Variants in PRR16 observed in about 807,000 individuals in gnomAD.
The protein encoded by PRR16 is proline rich 16, also known as protein Largen.
Under a neutral mutation model 18.2 loss-of-function variants are expected in PRR16, and 6 were observed. The ratio of observed to expected loss-of-function variants is 0.33; its 90% CI spans 0.18 to 0.65. PRR16 has a LOEUF of 0.65. Ranked by LOEUF, PRR16 falls within the 30% of genes least tolerant of loss-of-function variation. The probability of loss-of-function intolerance (pLI) is 0.74; values close to 1 mark genes in which losing one functional copy is unlikely to be tolerated. For missense variants in PRR16, 412 were observed against 376.6 expected, an observed-to-expected ratio of 1.09 and a Z score of -0.78; for synonymous variants, 151 against 147.8, an observed-to-expected ratio of 1.02 and a Z score of -0.16.
At chr5:120,485,637 T>C (rs1425985293) in intron 1 of PRR16, among the ~76,000 whole-genome samples, 1 of 152,070 alleles carries the variant, frequency 6.6e-6, no homozygotes, top group Non-Finnish European at 1.5e-5. Context: ...AAATTATGCC[T>C]AGATTTAGTT....
chr5:120,768,876 T>C, the PRR16 span, among the ~76,000 whole-genome samples: 5 of 151,766 alleles, frequency 3.3e-5, no homozygotes, highest in Admixed American at 2.6e-4. Context: ...CTTTTATGTA[T>C]TGCTGTGAAG....
chr5:120,591,048 G>C (rs1753618522), intron 1 of PRR16, among the ~76,000 whole-genome samples: 1 of 151,976 alleles, frequency 6.6e-6, no homozygotes, highest in African/African-American at 2.4e-5. Context: ...GGGAGGCCGA[G>C]GTGGGCAGAT....
chr5:120,501,805 A>C (rs1172488550), intron 1 of PRR16, among the ~76,000 whole-genome samples: 1 of 151,832 alleles, frequency 6.6e-6, no homozygotes, highest in Non-Finnish European at 1.5e-5. Context: ...AAATACAAAA[A>C]ATTAGCCGGG....
At chr5:120,750,239 A>G in the PRR16 span, among the ~76,000 whole-genome samples, 9 of 152,178 alleles carry the variant, frequency 5.9e-5, no homozygotes, top group Non-Finnish European at 7.3e-5. Context: ...AATTAATATA[A>G]GAGCCTAATA....
intron 1 of PRR16, among the ~76,000 whole-genome samples, chr5:120,533,203 T>C (rs7708527): frequency 0.99 from 150,075 of 152,290 alleles, 73,973 homozygotes; most frequent in East Asian, 1. Flanking sequence ...CCACTGAATA[T>C]ATCTTCAAGG....
At chr5:120,643,160 G>A (rs781608511) in intron 1 of PRR16, among the ~76,000 whole-genome samples, 3 of 150,082 alleles carry the variant, frequency 2.0e-5, no homozygotes, top group Non-Finnish European at 4.4e-5. Flanking sequence ...TAAAATGTTT[G>A]AAACAAAGAA....
At chr5:120,656,431 A>G (rs1580840793) in intron 1 of PRR16, among the ~76,000 whole-genome samples, 1 of 151,144 alleles carries the variant, frequency 6.6e-6, no homozygotes, top group African/African-American at 2.4e-5. Flanking sequence ...AGCTCCAAAG[A>G]AAATAGAAAG....
the PRR16 span, among the ~76,000 whole-genome samples, chr5:120,742,887 T>C: frequency 6.6e-6 from 1 of 152,128 alleles, no homozygotes; most frequent in Non-Finnish European, 1.5e-5. Context: ...CCACATAACT[T>C]AGCTCATGGC....
At chr5:120,488,121 T>G (rs1286548100) in intron 1 of PRR16, among the ~76,000 whole-genome samples, 1 of 152,234 alleles carries the variant, frequency 6.6e-6, no homozygotes, top group Admixed American at 6.5e-5. Flanking sequence ...TTTTTTGTTA[T>G]GTCTCTGCCC....
the PRR16 span, among the ~76,000 whole-genome samples, chr5:120,773,233 A>C: frequency 4.6e-5 from 7 of 152,130 alleles, no homozygotes; most frequent in African/African-American, 7.2e-5. Context: ...CCCAAATCAC[A>C]GTGACTTGAA....
chr5:120,489,462 C>G (rs1295937239), intron 1 of PRR16, among the ~76,000 whole-genome samples: 1 of 152,128 alleles, frequency 6.6e-6, no homozygotes, highest in African/African-American at 2.4e-5. Context: ...TTATCAGAGA[C>G]TAGGATTGCA....
intron 1 of PRR16, among the ~76,000 whole-genome samples, chr5:120,682,667 C>G (rs1304152547): frequency 1.3e-5 from 2 of 152,206 alleles, no homozygotes; most frequent in Non-Finnish European, 2.9e-5. Flanking sequence ...AAGACTGTCT[C>G]TCTACCTCTC....
chr5:120,576,187 G>C (rs6862351), intron 1 of PRR16, among the ~76,000 whole-genome samples: 117,040 of 152,028 alleles, frequency 0.77, 45,779 homozygotes, highest in Non-Finnish European at 0.83. Flanking sequence ...TTCTGCCCAA[G>C]AAAGAAAACA....
At chr5:120,719,280 A>G in the PRR16 span, among the ~76,000 whole-genome samples, 1 of 152,192 alleles carries the variant, frequency 6.6e-6, no homozygotes, top group East Asian at 1.9e-4. Context: ...CAATAATGAT[A>G]GATAATCATA....
At chr5:120,505,996 C>A (rs1036271925) in intron 1 of PRR16, among the ~76,000 whole-genome samples, 1 of 149,206 alleles carries the variant, frequency 6.7e-6, no homozygotes, top group Non-Finnish European at 1.5e-5. Flanking sequence ...TAGAGTGCAT[C>A]TAGTTTCATC....
the PRR16 span, among the ~76,000 whole-genome samples, chr5:120,754,576 ATT>A: frequency 7.6e-5 from 4 of 52,454 alleles, no homozygotes; most frequent in South Asian, 6.1e-4. Context: ...ATATATTTAT[ATT>A]TTATATATTA....
chr5:120,734,500 A>G, the PRR16 span, among the ~76,000 whole-genome samples: 1 of 152,180 alleles, frequency 6.6e-6, no homozygotes, highest in Non-Finnish European at 1.5e-5. Flanking sequence ...ATTTTGCAGC[A>G]GCTGTTGCTA....
At chr5:120,778,869 G>A in the PRR16 span, among the ~76,000 whole-genome samples, 1 of 152,122 alleles carries the variant, frequency 6.6e-6, no homozygotes, top group African/African-American at 2.4e-5. Context: ...GCATTTTATG[G>A]CTGAAAAGCA....
intron 1 of PRR16, among the ~76,000 whole-genome samples, chr5:120,542,614 C>A (rs903970131): frequency 6.6e-6 from 1 of 151,976 alleles, no homozygotes; most frequent in Non-Finnish European, 1.5e-5. Context: ...CAAAAACAGA[C>A]AAAAAATGAG....
Sources: gnomAD v4.1 joint callset for allele counts (sites outside exome capture counted in the v4.1 genomes callset) on GRCh38, gnomAD v4.1.1 for gene constraint, MANE v1.5 for transcripts, NCBI Gene and HGNC (gene_info 2026-07-23, HGNC 2026-07-21) for gene names.